Variants in NEDD4L observed in about 807,000 individuals in gnomAD.
NEDD4L encodes E3 ubiquitin-protein ligase NEDD4-like.
A neutral mutation model predicts 148.9 loss-of-function variants in NEDD4L; 54 were observed. That is an observed-to-expected ratio of 0.36 (90% confidence interval 0.29 to 0.45). NEDD4L has a LOEUF of 0.45. Ranked by LOEUF, NEDD4L falls within the 20% of genes least tolerant of loss-of-function variation. The pLI is 1.00. For missense variants in NEDD4L, 856 were observed against 1,233.8 expected, an observed-to-expected ratio of 0.69 and a Z score of 4.59; for synonymous variants, 433 against 440.7, an observed-to-expected ratio of 0.98 and a Z score of 0.22.
At chr18:58,204,336 A>G (rs2041763084) in intron 2 of NEDD4L, among the ~76,000 whole-genome samples, 1 of 152,338 alleles carries the variant, frequency 6.6e-6, no homozygotes, top group Admixed American at 6.5e-5. Flanking sequence ...TCAAAAAAAA[A>G]AATGCCTAGC....
intron 9 of NEDD4L, 29 bp downstream of exon 9, chr18:58,325,191 G>A (rs369878083): frequency 6.8e-6 from 11 of 1,611,498 alleles, no homozygotes; most frequent in Admixed American, 1.7e-5. Context: ...TCAGGAACAC[G>A]TGCACGTGCA....
chr18:58,383,767 G>A (rs138363776), intron 25 of NEDD4L, among the ~76,000 whole-genome samples: 1 of 152,322 alleles, frequency 6.6e-6, no homozygotes, highest in Admixed American at 6.5e-5. Context: ...AATTCAGCAT[G>A]TGCAACCCTA....
intron 1 of NEDD4L, among the ~76,000 whole-genome samples, chr18:58,067,474 A>G (rs1237275201): frequency 6.6e-6 from 1 of 152,094 alleles, no homozygotes; most frequent in African/African-American, 2.4e-5. Flanking sequence ...TGCTTAAAGC[A>G]ATGGTTGGGG....
At chr18:58,099,964 A>G (rs951924569) in intron 1 of NEDD4L, among the ~76,000 whole-genome samples, 1 of 151,306 alleles carries the variant, frequency 6.6e-6, no homozygotes, top group African/African-American at 2.5e-5. Context: ...ATCAAAGTGC[A>G]GGTCCCCCAA....
chr18:58,270,151 G>A (rs554079722), intron 5 of NEDD4L, among the ~76,000 whole-genome samples: 1 of 152,184 alleles, frequency 6.6e-6, no homozygotes, highest in Non-Finnish European at 1.5e-5. Flanking sequence ...TTAACTGAGT[G>A]CATTTTTGTG....
intron 5 of NEDD4L, among the ~76,000 whole-genome samples, chr18:58,279,335 A>T (rs1454846241): frequency 1.3e-5 from 2 of 152,328 alleles, no homozygotes; most frequent in East Asian, 3.9e-4. Context: ...GTTCAAACGA[A>T]GAAGAAGACA....
At chr18:58,310,170 T>G (rs1304530941) in intron 5 of NEDD4L, among the ~76,000 whole-genome samples, 1 of 152,232 alleles carries the variant, frequency 6.6e-6, no homozygotes, top group East Asian at 1.9e-4. Context: ...TTCTGCTGCC[T>G]TCCAGCATGG....
intron 1 of NEDD4L, among the ~76,000 whole-genome samples, chr18:58,162,101 T>C (rs546399822): frequency 6.6e-6 from 1 of 152,320 alleles, no homozygotes; most frequent in South Asian, 2.1e-4. Context: ...ATCTCTATCT[T>C]ATTAAAAGTT....
chr18:58,107,965 C>T (rs1355160118), intron 1 of NEDD4L, among the ~76,000 whole-genome samples: 1 of 152,164 alleles, frequency 6.6e-6, no homozygotes, highest in South Asian at 2.1e-4. Context: ...AGCAATCCTC[C>T]TGCCTTAGCC....
rs9951941 is a variant in NEDD4L, at chr18:58,243,933, C to T, written c.123-1494C>T. Among the ~76,000 whole-genome samples the T allele has an allele frequency of 4.1e-3, 631 of 152,272 alleles. 3 individuals carry two copies. Among genetic ancestry groups the T allele is most frequent in the African/African-American group, 0.014 (590 of 41,564 alleles). On this transcript the variant is annotated intron_variant, in intron 2 of 30. Coordinates refer to ENST00000400345, the MANE Select transcript of NEDD4L (RefSeq NM_001144967.3). ...ATGTTTTGTAGCTTCCATTCAGATACATCTTATGGGTAATAAATACACACG... is the reference window on the plus strand; with the variant it reads ...ATGTTTTGTAGCTTCCATTCAGATATATCTTATGGGTAATAAATACACACG...
At chr18:58,074,651 A>T (rs1367385393) in intron 1 of NEDD4L, among the ~76,000 whole-genome samples, 1 of 152,060 alleles carries the variant, frequency 6.6e-6, no homozygotes, top group African/African-American at 2.4e-5. Context: ...GGGTATCAAA[A>T]AGTATCTGCC....
chr18:58,269,658 A>G (rs950291595), intron 5 of NEDD4L, among the ~76,000 whole-genome samples: 11 of 152,110 alleles, frequency 7.2e-5, no homozygotes, highest in African/African-American at 2.7e-4. Flanking sequence ...TACTTCAGGG[A>G]TTCTGATTTT....
chr18:58,256,274 G>A lies in NEDD4L; in HGVS notation c.297+4220G>A, dbSNP rs994961130. The A allele has an allele frequency of 2.4e-6, 3 of 1,231,178 alleles. No homozygotes were observed. The highest frequency in any genetic ancestry group is 3.1e-4 in the Middle Eastern group (1 of 3,230). The allele number at this position is 1,231,178 out of a possible 1,614,324, so 76.3% of individuals were successfully genotyped here. The stretch of plus-strand genomic sequence containing the variant: ...GGTGAGGCTGCTGCCCCTGGGCCCC[G>A]ATGGCCAGGGCGGCCCGGCCGCGGC... On this transcript the variant is annotated intron_variant, in intron 5 of 30. Coordinates refer to ENST00000400345, the MANE Select transcript of NEDD4L (RefSeq NM_001144967.3). The surrounding 1 kb of genome is among the most constrained non-coding windows in gnomAD (Gnocchi z 5.2).
chr18:58,395,825 C>A (rs1489769939), intron 30 of NEDD4L, among the ~76,000 whole-genome samples: 1 of 152,136 alleles, frequency 6.6e-6, no homozygotes, highest in Admixed American at 6.6e-5. Context: ...TAGAGATAGA[C>A]ACAGTCTTAA....
chr18:58,077,826 C>G (rs1052435042), intron 1 of NEDD4L, among the ~76,000 whole-genome samples: 2 of 152,130 alleles, frequency 1.3e-5, no homozygotes, highest in African/African-American at 4.8e-5. Context: ...CAGTGGTTCT[C>G]AACCAGGGGC....
rs775077419 is a variant in NEDD4L at position 58,401,074 on chromosome 18, A to G, written c.*4805A>G. The G allele has an allele frequency of 1.3e-5, 2 of 152,196 alleles. No homozygotes were observed. The highest frequency in any genetic ancestry group is 2.9e-5 in the Non-Finnish European group (2 of 68,030). 9.4% of individuals were successfully genotyped at this position (152,196 alleles called of 1,614,324 possible). A position where few individuals can be genotyped will look rare whatever the true frequency, so the allele number is the denominator to read the frequency against. On this transcript the variant is annotated 3_prime_UTR_variant, in exon 31 of 31. Transcript: ENST00000400345. The stretch of plus-strand genomic sequence containing the variant: ...AACCCTTGGAGCCTAAGAAAACCCT[A>G]GGAAGATGATGTTAATTTGCTGTCA...
intron 24 of NEDD4L, among the ~76,000 whole-genome samples, chr18:58,375,666 C>G (rs117862517): frequency 6.6e-6 from 1 of 152,182 alleles, no homozygotes; most frequent in East Asian, 1.9e-4. Flanking sequence ...CTGCCATCCT[C>G]GAGGTATTGA....
At chr18:58,185,205 G>A (rs576990826) in intron 2 of NEDD4L, among the ~76,000 whole-genome samples, 12 of 152,254 alleles carry the variant, frequency 7.9e-5, no homozygotes, top group South Asian at 6.2e-4. Context: ...TGATCGGACC[G>A]TGGGAGCTGG....
intron 16 of NEDD4L, 85 bp from the exon 17 acceptor site, chr18:58,349,452 C>T (rs2043588720): frequency 1.7e-6 from 2 of 1,142,982 alleles, no homozygotes; most frequent in African/African-American, 1.5e-5. Flanking sequence ...TGCCTTGAAA[C>T]AAACAGCTCA....
Sources: gnomAD v4.1 joint callset for allele counts (sites outside exome capture counted in the v4.1 genomes callset) on GRCh38, gnomAD v4.1.1 for gene constraint, Gnocchi (gnomAD v3.1) non-coding constraint, MANE v1.5 for transcripts, NCBI Gene and HGNC (gene_info 2026-07-23, HGNC 2026-07-21) for gene names.